The following ADAMTSL1 variants were observed in gnomAD, a reference collection of about 807,000 sequenced individuals.
ADAMTSL1 encodes ADAMTS like 1.
In ADAMTSL1, 126 loss-of-function variants were observed where a neutral mutation model predicts 201.8. The ratio of observed to expected loss-of-function variants is 0.62; its 90% CI spans 0.54 to 0.72. The LOEUF (loss-of-function observed/expected upper bound fraction) is 0.72. Ranked by LOEUF, ADAMTSL1 falls within the 30% of genes least tolerant of loss-of-function variation. The probability of loss-of-function intolerance (pLI) is 0.00; values close to 1 mark genes in which losing one functional copy is unlikely to be tolerated. For synonymous variants in ADAMTSL1, 1,121 were observed against 903.4 expected, an observed-to-expected ratio of 1.24 and a Z score of -4.32; for missense variants, 2,679 against 2,277.8, an observed-to-expected ratio of 1.18 and a Z score of -3.59.
chr9:18,496,299 G>C (rs1288104907), intron 1 of ADAMTSL1, among the ~76,000 whole-genome samples: 3 of 152,166 alleles, frequency 2.0e-5, no homozygotes, highest in Admixed American at 6.5e-5. Context: ...AGCAAAAGTA[G>C]AAACAAGAAT....
Position 18,342,849 on chromosome 9 carries a change from C to A in ADAMTSL1, c.208-161980C>A, listed in dbSNP as rs1835525713. Among the ~76,000 whole-genome samples the A allele has an allele frequency of 3.9e-5, 6 of 152,264 alleles. No homozygotes were observed. The East Asian group carries it at 1.2e-3, about 29-fold the overall frequency. On this transcript the variant is annotated intron_variant, in intron 2 of 29. Coordinates refer to the ADAMTSL1 transcript ENST00000680146. ...AAGAAACTGGACTCAAGAAAGATTT[C>A]ATCTGAAACTTCTGATCTCTCAATT...
chr9:17,910,907 T>C (rs562458133), intron 1 of ADAMTSL1, among the ~76,000 whole-genome samples: 1 of 69,102 alleles, frequency 1.4e-5, no homozygotes, highest in African/African-American at 2.9e-5. Flanking sequence ...TTGGAATTTA[T>C]ATATTCTTCA....
At chr9:18,562,701 G>T (rs930435521) in intron 3 of ADAMTSL1, among the ~76,000 whole-genome samples, 1 of 152,086 alleles carries the variant, frequency 6.6e-6, no homozygotes, top group Non-Finnish European at 1.5e-5. Flanking sequence ...TTTCTTGGAG[G>T]CTTTGTTCAT....
At chr9:18,591,049 T>C (rs35932920) in intron 4 of ADAMTSL1, among the ~76,000 whole-genome samples, 8,843 of 152,266 alleles carry the variant, frequency 0.058, 333 homozygotes, top group Non-Finnish European at 0.086. Context: ...CACCATTTGG[T>C]CTAGAATATA....
chr9:18,061,795 A>G (rs920118184), intron 1 of ADAMTSL1, among the ~76,000 whole-genome samples: 4 of 152,220 alleles, frequency 2.6e-5, no homozygotes, highest in African/African-American at 7.2e-5. Flanking sequence ...GTTTGGGACC[A>G]GTTTAGTTTA....
chr9:17,937,643 T>A (rs1344329757), intron 1 of ADAMTSL1, among the ~76,000 whole-genome samples: 4 of 1,964 alleles, frequency 2.0e-3, no homozygotes, highest in African/African-American at 3.6e-3. Flanking sequence ...TGATTTAAAT[T>A]CCTTAAATAC....
At chr9:18,599,727 A>G (rs1364173821) in intron 4 of ADAMTSL1, among the ~76,000 whole-genome samples, 7 of 151,846 alleles carry the variant, frequency 4.6e-5, no homozygotes, top group Admixed American at 4.6e-4. Context: ...TTCTGCACCC[A>G]TCATGGGCTT....
chr9:18,558,858 G>T (rs1308659258), intron 3 of ADAMTSL1, among the ~76,000 whole-genome samples: 1 of 151,916 alleles, frequency 6.6e-6, no homozygotes, highest in African/African-American at 2.4e-5. Context: ...TGATAGGGTT[G>T]TTTTTTTCTG....
intron 2 of ADAMTSL1, among the ~76,000 whole-genome samples, chr9:18,354,583 G>A (rs1000139002): frequency 6.6e-6 from 1 of 152,154 alleles, no homozygotes; most frequent in Non-Finnish European, 1.5e-5. Flanking sequence ...GAATCTGGAA[G>A]GTGCAAATTG....
intron 1 of ADAMTSL1, among the ~76,000 whole-genome samples, chr9:18,491,109 T>C (rs915917710): frequency 6.6e-6 from 1 of 152,182 alleles, no homozygotes; most frequent in African/African-American, 2.4e-5. Context: ...GTGTGTGAAA[T>C]TGATTTCTGA....
At chr9:18,821,824 C>T (rs951241802) in intron 21 of ADAMTSL1, among the ~76,000 whole-genome samples, 4 of 152,070 alleles carry the variant, frequency 2.6e-5, no homozygotes, top group East Asian at 1.9e-4. Flanking sequence ...GTTGACACAC[C>T]GCCATGGTGC....
At chr9:18,870,668 C>CAA (rs781180990) in intron 23 of ADAMTSL1, among the ~76,000 whole-genome samples, 1 of 148,462 alleles carries the variant, frequency 6.7e-6, no homozygotes, top group East Asian at 1.9e-4. Flanking sequence ...CATTTTCAGG[C>CAA]AAAAAAAAAC....
At chr9:18,554,270 T>C (rs963527607) in intron 3 of ADAMTSL1, among the ~76,000 whole-genome samples, 2 of 151,880 alleles carry the variant, frequency 1.3e-5, no homozygotes, top group Non-Finnish European at 2.9e-5. Context: ...TTGCATCCTG[T>C]GTCTGATAAT....
intron 19 of ADAMTSL1, among the ~76,000 whole-genome samples, chr9:18,782,782 G>A (rs1821472945): frequency 6.6e-6 from 1 of 152,228 alleles, no homozygotes; most frequent in South Asian, 2.1e-4. Context: ...CCAGCACTGT[G>A]ATGTGAGGAG....
intron 11 of ADAMTSL1, chr9:18,681,416 A>C (rs1830462323): frequency 6.5e-6 from 1 of 153,180 alleles, no homozygotes; most frequent in South Asian, 2.1e-4. Flanking sequence ...GGTATTTCCC[A>C]TATTTTTGGA....
At chr9:18,577,986 CTTTT>C (rs71304880) in intron 4 of ADAMTSL1, among the ~76,000 whole-genome samples, 2 of 142,348 alleles carry the variant, frequency 1.4e-5, no homozygotes, top group Non-Finnish European at 3.1e-5. Flanking sequence ...TTACTTTTCT[CTTTT>C]TTTTTTTTTT....
chr9:18,002,514 T>C (rs1221689210), intron 1 of ADAMTSL1, among the ~76,000 whole-genome samples: 1 of 152,070 alleles, frequency 6.6e-6, no homozygotes, highest in East Asian at 1.9e-4. Context: ...ATTACTAGCA[T>C]AAGAGTATGT....
At chr9:18,429,888 C>CA (rs1308256236) in intron 2 of ADAMTSL1, among the ~76,000 whole-genome samples, 1 of 152,034 alleles carries the variant, frequency 6.6e-6, no homozygotes, top group Non-Finnish European at 1.5e-5. Context: ...CTCCCGGGTT[C>CA]AAGCGATTCT....
intron 2 of ADAMTSL1, among the ~76,000 whole-genome samples, chr9:18,377,386 A>G (rs1837345044): frequency 6.6e-6 from 1 of 152,232 alleles, no homozygotes; most frequent in Admixed American, 6.5e-5. Context: ...ATTATTGTCT[A>G]CATCCAGATA....
Sources: allele counts gnomAD v4.1 joint callset (sites outside exome capture counted in the v4.1 genomes callset), GRCh38; gene constraint gnomAD v4.1.1; transcripts MANE v1.5; gene names NCBI Gene and HGNC (gene_info 2026-07-23, HGNC 2026-07-21).